IQCH: variants seen among roughly 807,000 people sequenced by gnomAD.
IQCH encodes IQ motif containing H.
In IQCH, 98 loss-of-function variants were observed where a neutral mutation model predicts 117.0. That is an observed-to-expected ratio of 0.84 (90% CI 0.71 to 0.99). The LOEUF is 0.99. Ranked by LOEUF, IQCH falls within the 50% of genes least tolerant of loss-of-function variation. The probability of loss-of-function intolerance (pLI) is 0.00; values close to 1 mark genes in which losing one functional copy is unlikely to be tolerated. For missense variants in IQCH, 1,102 were observed against 1,243.8 expected (o/e 0.89, Z 1.72); for synonymous variants, 412 against 448.2 (o/e 0.92, Z 1.02).
intron 16 of IQCH, among the ~76,000 whole-genome samples, chr15:67,442,834 AG>A (rs1476426124): frequency 1.4e-5 from 2 of 141,794 alleles, no homozygotes; most frequent in East Asian, 2.0e-4. Flanking sequence ...ATAGATAGAT[AG>A]ATAGATAGAT....
chr15:67,277,917 C>CT (rs1431054468), intron 3 of IQCH, among the ~76,000 whole-genome samples: 2 of 152,128 alleles, frequency 1.3e-5, no homozygotes, highest in African/African-American at 4.8e-5. Context: ...AGAGTCTGAG[C>CT]TTTGCAGTCT....
At position 67,427,456 on chromosome 15, in the gene IQCH, T is replaced by C. The variant is rs8034306; in HGVS notation, c.2505+5879T>C. ...GTTTTGAACTCCTGGCCTTGAGCCA[T>C]CCTCCTGCCTTGGCCTCCCAAAGTG... On this transcript the variant is annotated intron_variant, in intron 16 of 20. Transcript: ENST00000335894. The surrounding 1 kb of genome is among the most constrained non-coding windows in gnomAD (Gnocchi z 4.7). Among the ~76,000 whole-genome samples, 163 of 152,092 alleles carry C rather than the reference T, an allele frequency of 1.1e-3. No individual in the cohort carries two copies. The highest frequency in any genetic ancestry group is 3.8e-3 in the African/African-American group (157 of 41,494).
intron 15 of IQCH, among the ~76,000 whole-genome samples, chr15:67,418,640 G>A (rs2140912235): frequency 6.9e-6 from 1 of 144,518 alleles, no homozygotes; most frequent in East Asian, 2.0e-4. Flanking sequence ...GTGCAATGGT[G>A]CGATCTCGGC....
rs537631694 is a variant in IQCH, at chr15:67,411,402, T to C, written c.2098-5529T>C. On this transcript the variant is annotated intron_variant, in intron 14 of 20. Coordinates refer to ENST00000335894, the MANE Select transcript of IQCH (RefSeq NM_001031715.3). The surrounding 1 kb of genome is among the most constrained non-coding windows in gnomAD (Gnocchi z 4.4). ...TAGTCCACATGGCTCCTTTCAACAC[T>C]GACAGTCTTGCTTACTTTTTCAGGT... Among the ~76,000 whole-genome samples, 26 of 152,330 alleles carry C rather than the reference T, an allele frequency of 1.7e-4. No individual in the cohort carries two copies. Among genetic ancestry groups the C allele is most frequent in the African/African-American group, 6.3e-4 (26 of 41,594 alleles).
rs571166832 is a variant in IQCH, at chr15:67,426,664, CT to C, written c.2505+5088del. 1.3e-5 allele frequency among the ~76,000 whole-genome samples: 2 copies of C among 151,526 alleles called. No individual in the cohort carries two copies. Among genetic ancestry groups the C allele is most frequent in the Non-Finnish European group, 2.9e-5 (2 of 67,876 alleles). The stretch of plus-strand genomic sequence containing the variant: ...CTAAATAGAACTTGGAACATAGTAA[CT>C]GTGTATATTTACAAAATAAAATCCC... On this transcript the variant is annotated intron_variant, in intron 16 of 20. Transcript: ENST00000335894. This position sits in a 1 kb window ranked among gnomAD's most constrained non-coding sequence, Gnocchi z 5.1.
chr15:67,319,354 G>A lies in IQCH; in HGVS notation c.388-17621G>A, dbSNP rs558718152. ...TCCTAGATCTGGCACTAATTCCTAG[G>A]TGATATTCTTGGGGCAAATCACTTA... On this transcript the variant is annotated intron_variant, in intron 4 of 20. Transcript: ENST00000335894. Among the ~76,000 whole-genome samples, 9 of 152,270 alleles carry A rather than the reference G, an allele frequency of 5.9e-5. 2 individuals are homozygous for A. The highest frequency in any genetic ancestry group is 2.2e-4 in the African/African-American group (9 of 41,554).
At chr15:67,350,572 G>T (rs979766337) in intron 6 of IQCH, among the ~76,000 whole-genome samples, 9 of 151,970 alleles carry the variant, frequency 5.9e-5, no homozygotes, top group African/African-American at 2.2e-4. Flanking sequence ...GACTACAGGC[G>T]CCCGCAACCA....
intron 6 of IQCH, among the ~76,000 whole-genome samples, chr15:67,346,206 G>T (rs147463055): frequency 6.6e-6 from 1 of 152,056 alleles, no homozygotes; most frequent in African/African-American, 2.4e-5. Context: ...ATTCCTAAAT[G>T]TGTATTTACT....
chr15:67,402,057 ATAT>A (rs1325835148), intron 14 of IQCH, among the ~76,000 whole-genome samples: 1 of 152,264 alleles, frequency 6.6e-6, no homozygotes, highest in African/African-American at 2.4e-5. Context: ...ACTTTAAAAA[ATAT>A]TTAAAATACT....
At chr15:67,300,910 T>A (rs1043046581) in intron 4 of IQCH, among the ~76,000 whole-genome samples, 1 of 152,116 alleles carries the variant, frequency 6.6e-6, no homozygotes. Flanking sequence ...GAATCACTGA[T>A]GAGATGAAAA....
chr15:67,325,977 A>T (rs1968388122), intron 4 of IQCH, among the ~76,000 whole-genome samples: 1 of 151,910 alleles, frequency 6.6e-6, no homozygotes, highest in Admixed American at 6.6e-5. Context: ...TCTTTTTTTT[A>T]TTATTACACT....
rs1970941183 is a variant in IQCH, at chr15:67,381,856, C to G, written c.1373-3080C>G. Among the ~76,000 whole-genome samples, 1 of 151,790 alleles carries G rather than the reference C, an allele frequency of 6.6e-6. No individual in the cohort carries two copies. Among genetic ancestry groups the G allele is most frequent in the Non-Finnish European group, 1.5e-5 (1 of 67,966 alleles). On this transcript the variant is annotated intron_variant, in intron 10 of 20. Coordinates refer to ENST00000335894, the MANE Select transcript of IQCH (RefSeq NM_001031715.3). This position sits in a 1 kb window ranked among gnomAD's most constrained non-coding sequence, Gnocchi z 5.1. ...ATTAGCCAGGTGTGGTAGTGTGCAC[C>G]AGTAGTCTCACCTAATTGAGAGGCT... is the stretch of plus-strand genomic sequence containing the variant.
At chr15:67,484,333 G>A (rs2083415660) in intron 18 of IQCH, among the ~76,000 whole-genome samples, 1 of 151,932 alleles carries the variant, frequency 6.6e-6, no homozygotes, top group Admixed American at 6.6e-5. Context: ...TTAGGCCTGG[G>A]AAGTCGAGGC....
chr15:67,377,769 A>C (rs994306307), intron 10 of IQCH, among the ~76,000 whole-genome samples: 1 of 152,100 alleles, frequency 6.6e-6, no homozygotes, highest in African/African-American at 2.4e-5. Context: ...TTAAAGTAAA[A>C]ATAGAGGTGG....
rs927391017 is a variant in IQCH at position 67,453,930 on chromosome 15, C to T, written c.2506-11197C>T. Among the ~76,000 whole-genome samples, 2 of 152,222 alleles carry T rather than the reference C, an allele frequency of 1.3e-5. No individual in the cohort carries two copies. Among genetic ancestry groups the T allele is most frequent in the Non-Finnish European group, 2.9e-5 (2 of 68,024 alleles). ...AATCAAACAACTAACTCGGCAATGG[C>T]GGGCACCCCTCCCCCAGCCTCGCTG... On this transcript the variant is annotated intron_variant, in intron 16 of 20. Coordinates refer to ENST00000335894, the MANE Select transcript of IQCH (RefSeq NM_001031715.3). The surrounding 1 kb of genome is among the most constrained non-coding windows in gnomAD (Gnocchi z 5.8).
chr15:67,486,065 G>C (rs1189400865), intron 18 of IQCH, among the ~76,000 whole-genome samples: 1 of 105,552 alleles, frequency 9.5e-6, no homozygotes, highest in African/African-American at 3.7e-5. Context: ...TTTTGAGATA[G>C]AGTCTTGCAC....
chr15:67,275,860 A>G (rs968776205), intron 3 of IQCH, among the ~76,000 whole-genome samples: 1 of 152,224 alleles, frequency 6.6e-6, no homozygotes, highest in Non-Finnish European at 1.5e-5. Context: ...AGCCTGAGTG[A>G]CAGAGTGAGA....
intron 16 of IQCH, among the ~76,000 whole-genome samples, chr15:67,450,883 T>C (rs2082506920): frequency 6.6e-6 from 1 of 152,256 alleles, no homozygotes; most frequent in Non-Finnish European, 1.5e-5. Flanking sequence ...AGCTATTGAT[T>C]ATTGCCTCAA....
intron 4 of IQCH, among the ~76,000 whole-genome samples, chr15:67,335,033 C>T (rs1415102302): frequency 6.6e-6 from 1 of 152,098 alleles, no homozygotes; most frequent in African/African-American, 2.4e-5. Context: ...ACGAAAACAC[C>T]ACCTTCCATT....
Sources: allele counts gnomAD v4.1 joint callset (sites outside exome capture counted in the v4.1 genomes callset), GRCh38; gene constraint gnomAD v4.1.1; non-coding constraint Gnocchi (gnomAD v3.1); transcripts MANE v1.5; gene names NCBI Gene and HGNC (gene_info 2026-07-23, HGNC 2026-07-21).